LRRFIP1: variants seen among roughly 807,000 people sequenced by gnomAD.
LRRFIP1 encodes the protein LRR binding FLII interacting protein 1.
Under a neutral mutation model 104.4 loss-of-function variants are expected in LRRFIP1, and 62 were observed. That is an observed-to-expected ratio of 0.59 (90% CI 0.48 to 0.73). LRRFIP1 has a LOEUF of 0.73. Ranked by LOEUF, LRRFIP1 falls within the 30% of genes least tolerant of loss-of-function variation. The pLI, the probability that LRRFIP1 is intolerant of heterozygous loss-of-function variation, is 0.00. For missense variants in LRRFIP1, 796 were observed against 824.5 expected, an observed-to-expected ratio of 0.97 and a Z score of 0.42; for synonymous variants, 300 against 299.0, an observed-to-expected ratio of 1.00 and a Z score of -0.03.
chr2:237,676,426 G>A (rs73093477), intron 1 of LRRFIP1, among the ~76,000 whole-genome samples: 3,837 of 152,248 alleles, frequency 0.025, 176 homozygotes, highest in African/African-American at 0.089. Flanking sequence ...ATTCACGTGG[G>A]GACATGACAG....
In LRRFIP1 at chr2:237,779,701, C is replaced by T; in HGVS notation, c.*169C>T. ...TGCCATGGCTCACCCCAGGGAGCCC[C>T]AGCAGCCACCAGGTGCCTCTGTCTG... On this transcript the variant is annotated 3_prime_UTR_variant, in exon 24 of 24. Transcript: ENST00000308482. 1.8e-6 allele frequency: 1 copy of T among 542,542 alleles called. No homozygotes were observed. Among genetic ancestry groups the T allele is most frequent in the South Asian group, 2.0e-5 (1 of 49,012 alleles). The allele number at this position is 542,542 out of a possible 1,614,324, so 33.6% of individuals were successfully genotyped here. A position where few individuals can be genotyped will look rare whatever the true frequency, so the allele number is the denominator to read the frequency against.
Position 237,735,848 on chromosome 2 carries a change from GC to G in LRRFIP1, c.555+516del, listed in dbSNP as rs1216368565. Reference sequence around the variant, plus strand: ...GCACCATAAACATTTGTGAATGAATGCGTGAGAAAAGCAACAAGGTAGAAAA... The same window carrying G: ...GCACCATAAACATTTGTGAATGAATGGTGAGAAAAGCAACAAGGTAGAAAA... On this transcript the variant is annotated intron_variant, in intron 10 of 23. Transcript: ENST00000308482. This position sits in a 1 kb window ranked among gnomAD's most constrained non-coding sequence, Gnocchi z 4.6. Among the ~76,000 whole-genome samples the G allele has an allele frequency of 6.6e-6, 1 of 152,202 alleles. No homozygotes were observed. The highest frequency in any genetic ancestry group is 1.9e-4 in the East Asian group (1 of 5,202).
chr2:237,739,382 A>G lies in LRRFIP1; in HGVS notation c.633+73A>G, dbSNP rs149811182. On this transcript the variant is annotated intron_variant, in intron 11 of 23. Transcript: ENST00000308482. The stretch of plus-strand genomic sequence containing the variant: ...CCCCTTCCCTTATCCTCCTCTTCCA[A>G]CGTCTCCAAATTTAGAATATTACTC... The G allele has an allele frequency of 4.8e-5, 61 of 1,281,030 alleles. No individual in the cohort carries two copies. The African/African-American group carries it at 7.4e-4, about 16-fold the overall frequency. The allele number at this position is 1,281,030 out of a possible 1,614,324, so 79.4% of individuals were successfully genotyped here.
At position 237,717,127 on chromosome 2, in the gene LRRFIP1, A is replaced by C. The variant is rs2094366288; in HGVS notation, c.202-635A>C. Among the ~76,000 whole-genome samples, 1 of 152,172 alleles carries C rather than the reference A, an allele frequency of 6.6e-6. No homozygotes were observed. The highest frequency in any genetic ancestry group is 1.5e-5 in the Non-Finnish European group (1 of 68,032). On this transcript the variant is annotated intron_variant, in intron 3 of 23. Transcript: ENST00000308482. The surrounding 1 kb of genome is among the most constrained non-coding windows in gnomAD (Gnocchi z 4.2). ...CCAAAAGATTGGACACCCCTGAGCT[A>C]ATGTCACCTCCAGACATACATAACT... is the stretch of plus-strand genomic sequence containing the variant.
At chr2:237,727,734 G>A (rs1291104127) in intron 7 of LRRFIP1, 142 bp from the exon 8 acceptor site, 2 of 537,936 alleles carry the variant, frequency 3.7e-6, no homozygotes, top group African/African-American at 1.9e-5. Context: ...GAGCTGCCAG[G>A]ACTTGTACTG....
intron 19 of LRRFIP1, chr2:237,764,790 G>A (rs2060151500): frequency 1.0e-6 from 1 of 985,832 alleles, no homozygotes; most frequent in Non-Finnish European, 1.2e-6. Flanking sequence ...ATCTTGAACC[G>A]ATACTTTTGG....
chr2:237,773,606 C>T (rs2060835317), intron 22 of LRRFIP1, among the ~76,000 whole-genome samples: 1 of 152,152 alleles, frequency 6.6e-6, no homozygotes. Flanking sequence ...GGACGTCCCT[C>T]TTGCCTGGGC....
chr2:237,692,027 C>G, intron 1 of LRRFIP1: 1 of 261,640 alleles, frequency 3.8e-6, no homozygotes. Flanking sequence ...AGGGACCCTC[C>G]GAGGCGGAGC....
At chr2:237,719,037 T>C (rs2150151483) in intron 4 of LRRFIP1, among the ~76,000 whole-genome samples, 1 of 152,352 alleles carries the variant, frequency 6.6e-6, no homozygotes, top group African/African-American at 2.4e-5. Context: ...CTGAGCAACT[T>C]GGATTATAAG....
At chr2:237,650,353 G>A (rs1253544045) in intron 1 of LRRFIP1, among the ~76,000 whole-genome samples, 1 of 151,904 alleles carries the variant, frequency 6.6e-6, no homozygotes, top group Non-Finnish European at 1.5e-5. Context: ...ACAGCTGGGG[G>A]CGAGACTCCC....
At chr2:237,733,253 C>CTGG (rs1321260050) in intron 8 of LRRFIP1, among the ~76,000 whole-genome samples, 1 of 152,226 alleles carries the variant, frequency 6.6e-6, no homozygotes, top group African/African-American at 2.4e-5. Flanking sequence ...CGCGGCTCCT[C>CTGG]TGGGGGTGCC....
intron 1 of LRRFIP1, among the ~76,000 whole-genome samples, chr2:237,687,924 A>G (rs1302462208): frequency 6.6e-6 from 1 of 152,220 alleles, no homozygotes; most frequent in Admixed American, 6.5e-5. Flanking sequence ...ACAGACTAAC[A>G]CCATGGAGAC....
intron 19 of LRRFIP1, 140 bp from the exon 20 acceptor site, chr2:237,769,803 G>A: frequency 1.4e-6 from 1 of 693,458 alleles, no homozygotes; most frequent in Middle Eastern, 2.5e-4. Flanking sequence ...TCCTGTCTGT[G>A]GCCTCATTCA....
intron 1 of LRRFIP1, among the ~76,000 whole-genome samples, chr2:237,683,062 A>G (rs974046554): frequency 6.6e-6 from 1 of 152,234 alleles, no homozygotes; most frequent in African/African-American, 2.4e-5. Context: ...GCGGCTAGCC[A>G]TCCTGCAATG....
chr2:237,640,075 G>C (rs1575066293), intron 1 of LRRFIP1, among the ~76,000 whole-genome samples: 1 of 152,162 alleles, frequency 6.6e-6, no homozygotes, highest in East Asian at 1.9e-4. Context: ...GACTACGACT[G>C]TTTGCCCTCC....
chr2:237,753,790 C>CAAA (rs749198309), intron 15 of LRRFIP1, among the ~76,000 whole-genome samples: 4,832 of 74,546 alleles, frequency 0.065, 147 homozygotes, highest in East Asian at 0.14. Flanking sequence ...GACACTGTCT[C>CAAA]AAAAAAAAAA....
intron 16 of LRRFIP1, 107 bp downstream of exon 16, chr2:237,756,294 A>G (rs2150752126): frequency 1.4e-6 from 1 of 738,714 alleles, no homozygotes; most frequent in Non-Finnish European, 2.2e-6. Flanking sequence ...CATACACAGC[A>G]TGGCTTAAAC....
chr2:237,668,072 G>A (rs1322240654), intron 1 of LRRFIP1, among the ~76,000 whole-genome samples: 1 of 151,792 alleles, frequency 6.6e-6, no homozygotes, highest in East Asian at 1.9e-4. Context: ...TCATCACCCT[G>A]CCAGCAGCTG....
chr2:237,733,706 C>A, intron 8 of LRRFIP1, 68 bp from the exon 9 acceptor site: 2 of 1,454,892 alleles, frequency 1.4e-6, no homozygotes, highest in Non-Finnish European at 1.9e-6. Context: ...ATCGTGATGG[C>A]CTTTTGCTGT....
Sources: gnomAD v4.1 joint callset for allele counts (sites outside exome capture counted in the v4.1 genomes callset) on GRCh38, gnomAD v4.1.1 for gene constraint, Gnocchi (gnomAD v3.1) non-coding constraint, MANE v1.5 for transcripts, NCBI Gene and HGNC (gene_info 2026-07-23, HGNC 2026-07-21) for gene names.